PCDH7: variants seen among roughly 807,000 people sequenced by gnomAD.
PCDH7 encodes the protein protocadherin-7.
PCDH7 carries 17 observed loss-of-function variants against 58.9 expected under a neutral mutation model. The observed-to-expected ratio is 0.29, with a 90% confidence interval of 0.20 to 0.43. The LOEUF is 0.43. Among genes scored for constraint, PCDH7 ranks in the 20% least tolerant of loss-of-function variants. The pLI is 1.00. For missense variants in PCDH7, 1,274 were observed against 1,441.0 expected (o/e 0.88, Z 1.88); for synonymous variants, 664 against 616.4 (o/e 1.08, Z -1.14).
At chr4:30,758,602 C>A (rs764836529) in intron 1 of PCDH7, among the ~76,000 whole-genome samples, 1 of 152,122 alleles carries the variant, frequency 6.6e-6, no homozygotes, top group African/African-American at 2.4e-5. Flanking sequence ...AACCACATCT[C>A]CATCTGCAAT....
chr4:30,972,209 C>T (rs953096162), intron 3 of PCDH7, among the ~76,000 whole-genome samples: 1 of 152,070 alleles, frequency 6.6e-6, no homozygotes, highest in Non-Finnish European at 1.5e-5. Flanking sequence ...TCCAATTTTT[C>T]TTAATCTGAA....
intron 3 of PCDH7, among the ~76,000 whole-genome samples, chr4:31,088,223 A>T (rs750996064): frequency 6.6e-6 from 1 of 152,016 alleles, no homozygotes; most frequent in Non-Finnish European, 1.5e-5. Flanking sequence ...CAGAGCATCC[A>T]TTGGGGACAT....
At chr4:30,894,127 C>A (rs1020802889) in intron 1 of PCDH7, among the ~76,000 whole-genome samples, 1 of 151,938 alleles carries the variant, frequency 6.6e-6, no homozygotes, top group Non-Finnish European at 1.5e-5. Flanking sequence ...GAATATGAAC[C>A]TTGTATTCTG....
chr4:30,746,507 T>A (rs796279540), intron 1 of PCDH7, among the ~76,000 whole-genome samples: 33 of 152,308 alleles, frequency 2.2e-4, no homozygotes, highest in African/African-American at 7.2e-4. Flanking sequence ...ATCTTCCTAG[T>A]GTTTTATGCT....
chr4:31,125,199 C>T (rs1185880694), intron 3 of PCDH7, among the ~76,000 whole-genome samples: 1 of 152,130 alleles, frequency 6.6e-6, no homozygotes, highest in East Asian at 1.9e-4. Flanking sequence ...AACTGAGGGA[C>T]AGCTGTGGGA....
At chr4:30,946,490 A>T (rs1291267624) in intron 2 of PCDH7, among the ~76,000 whole-genome samples, 1 of 150,780 alleles carries the variant, frequency 6.6e-6, no homozygotes, top group Non-Finnish European at 1.5e-5. Flanking sequence ...CTCCCACCAC[A>T]CTGCCTTAGG....
chr4:30,806,218 C>G (rs1389034269), intron 1 of PCDH7, among the ~76,000 whole-genome samples: 1 of 152,152 alleles, frequency 6.6e-6, no homozygotes, highest in African/African-American at 2.4e-5. Context: ...TTATTGAGTA[C>G]TAGCCTGACT....
chr4:31,111,533 T>C (rs893363912), intron 3 of PCDH7, among the ~76,000 whole-genome samples: 6 of 152,028 alleles, frequency 3.9e-5, no homozygotes, highest in African/African-American at 1.4e-4. Flanking sequence ...TGGTCTCAAA[T>C]TCCTGACTTC....
chr4:31,094,239 C>T (rs11933239), intron 3 of PCDH7, among the ~76,000 whole-genome samples: 2,588 of 152,230 alleles, frequency 0.017, 23 homozygotes, highest in Middle Eastern at 0.037. Context: ...ATAGCATCTT[C>T]AGGACCAAAT....
intron 1 of PCDH7, among the ~76,000 whole-genome samples, chr4:30,834,671 A>G (rs953983614): frequency 6.6e-6 from 1 of 152,148 alleles, no homozygotes; most frequent in Non-Finnish European, 1.5e-5. Context: ...AAGTAAAAAA[A>G]AAAAAAACCT....
chr4:31,107,805 G>A (rs1578816188), intron 3 of PCDH7, among the ~76,000 whole-genome samples: 1 of 152,004 alleles, frequency 6.6e-6, no homozygotes, highest in African/African-American at 2.4e-5. Context: ...CTATGTTAAC[G>A]TGAATAAGTA....
intron 3 of PCDH7, among the ~76,000 whole-genome samples, chr4:31,080,980 G>T (rs1358000658): frequency 2.0e-5 from 3 of 152,172 alleles, no homozygotes; most frequent in Admixed American, 2.0e-4. Flanking sequence ...TGTAAGACAT[G>T]CCTTTCACTT....
intron 3 of PCDH7, among the ~76,000 whole-genome samples, chr4:30,960,522 C>CA (rs1748312925): frequency 6.6e-6 from 1 of 152,040 alleles, no homozygotes; most frequent in African/African-American, 2.4e-5. Context: ...ACAGTAGTCA[C>CA]AATAATCATG....
intron 3 of PCDH7, among the ~76,000 whole-genome samples, chr4:31,014,863 G>A (rs1377579821): frequency 6.6e-6 from 1 of 152,018 alleles, no homozygotes; most frequent in Non-Finnish European, 1.5e-5. Flanking sequence ...TTCCTGCACA[G>A]GATTTACCCC....
At chr4:30,802,014 A>G (rs958797586) in intron 1 of PCDH7, among the ~76,000 whole-genome samples, 1 of 152,182 alleles carries the variant, frequency 6.6e-6, no homozygotes, top group South Asian at 2.1e-4. Context: ...GTGAAAAGTA[A>G]TTTGCTCAAG....
intron 1 of PCDH7, among the ~76,000 whole-genome samples, chr4:30,822,618 T>A (rs1332090199): frequency 6.6e-6 from 1 of 152,140 alleles, no homozygotes; most frequent in Admixed American, 6.5e-5. Context: ...ATATTAAAAA[T>A]TTATATTTTT....
intron 1 of PCDH7, among the ~76,000 whole-genome samples, chr4:30,828,141 G>T (rs1397823186): frequency 1.3e-5 from 2 of 152,002 alleles, no homozygotes; most frequent in African/African-American, 2.4e-5. Context: ...ATATGCAGAA[G>T]AAGTAGGTGG....
chr4:31,089,960 A>G (rs1454960020), intron 3 of PCDH7, among the ~76,000 whole-genome samples: 1 of 152,130 alleles, frequency 6.6e-6, no homozygotes, highest in African/African-American at 2.4e-5. Context: ...GTGGCTTGTC[A>G]GATGTAATTT....
intron 1 of PCDH7, among the ~76,000 whole-genome samples, chr4:30,889,527 C>T (rs1177032182): frequency 2.0e-5 from 3 of 152,092 alleles, no homozygotes; most frequent in Non-Finnish European, 2.9e-5. Flanking sequence ...ACAAAATCTT[C>T]TATGTGGTCA....
Sources: gnomAD v4.1 joint callset for allele counts (sites outside exome capture counted in the v4.1 genomes callset) on GRCh38, gnomAD v4.1.1 for gene constraint, MANE v1.5 for transcripts, NCBI Gene and HGNC (gene_info 2026-07-23, HGNC 2026-07-21) for gene names.